SPIRE2: variants seen among roughly 807,000 people sequenced by gnomAD.
SPIRE2 encodes the protein spire type actin nucleation factor 2.
SPIRE2 carries 76 observed loss-of-function variants against 80.7 expected under a neutral mutation model. That is an observed-to-expected ratio of 0.94 (90% CI 0.78 to 1.14). The LOEUF (loss-of-function observed/expected upper bound fraction) is 1.14. Ranked by LOEUF, SPIRE2 falls within the 50% of genes most tolerant of loss-of-function variation. SPIRE2 has a pLI of 0.00. For synonymous variants in SPIRE2, 535 were observed against 432.6 expected, an observed-to-expected ratio of 1.24 and a Z score of -2.94; for missense variants, 1,196 against 1,015.3, an observed-to-expected ratio of 1.18 and a Z score of -2.42.
At chr16:89,855,158 T>G (rs1597219316) in intron 5 of SPIRE2, among the ~76,000 whole-genome samples, 1 of 152,176 alleles carries the variant, frequency 6.6e-6, no homozygotes, top group South Asian at 2.1e-4. Flanking sequence ...CACGATGGTC[T>G]CGATCTCCTG....
chr16:89,850,020 T>A (rs1290777946), intron 2 of SPIRE2: 1 of 505,292 alleles, frequency 2.0e-6, no homozygotes, highest in African/African-American at 1.9e-5. Flanking sequence ...GTATTTTTAG[T>A]AGAGACGGGG....
intron 1 of SPIRE2, among the ~76,000 whole-genome samples, chr16:89,841,878 G>A (rs1384532655): frequency 2.0e-5 from 3 of 151,756 alleles, no homozygotes; most frequent in East Asian, 1.9e-4. Context: ...ACAGGCATGC[G>A]CCACCATGCC....
chr16:89,857,937 C>A (rs973103925), intron 7 of SPIRE2, among the ~76,000 whole-genome samples: 4 of 136,666 alleles, frequency 2.9e-5, no homozygotes, highest in African/African-American at 1.1e-4. Flanking sequence ...GGCTGGAGTG[C>A]AGTGGCGTGA....
intron 10 of SPIRE2, among the ~76,000 whole-genome samples, chr16:89,861,463 C>A (rs899067606): frequency 1.3e-5 from 2 of 152,236 alleles, no homozygotes; most frequent in African/African-American, 4.8e-5. Context: ...GTGCGTATCC[C>A]CACCGAAACG....
chr16:89,833,993 G>A (rs879831523), intron 1 of SPIRE2, among the ~76,000 whole-genome samples: 11 of 152,300 alleles, frequency 7.2e-5, no homozygotes, highest in South Asian at 2.1e-4. Flanking sequence ...TGGCATTCCC[G>A]ATATAGTCTC....
chr16:89,848,023 G>A (rs993641264), intron 2 of SPIRE2, among the ~76,000 whole-genome samples: 1 of 152,168 alleles, frequency 6.6e-6, no homozygotes, highest in South Asian at 2.1e-4. Flanking sequence ...GGAGCCACGC[G>A]ACCAGGGACA....
rs1204208371 is a variant in SPIRE2 at position 89,850,563 on chromosome 16, G to A, written c.548G>A (p.Arg183Gln). The change falls in exon 3 of 15, where the codon CGG (arginine) becomes CAG (glutamine). Residue 183 changes from arginine to glutamine, a missense_variant. By Grantham distance (43) the Arg-to-Gln change is conservative. Coordinates refer to ENST00000378247, the MANE Select transcript of SPIRE2 (RefSeq NM_032451.2). ...RLCAARLTDPRGAQAHYQAVC... is the reference protein window; with the variant it reads ...RLCAARLTDPQGAQAHYQAVC... ...TGCGCGGCGCGGCTGACCGACCCCCGGGGCGCACAGGCGCATTACCAGGCC... is the reference window on the plus strand; with the variant it reads ...TGCGCGGCGCGGCTGACCGACCCCCAGGGCGCACAGGCGCATTACCAGGCC... 6 of 1,513,192 alleles carry A rather than the reference G, an allele frequency of 4.0e-6. No individual in the cohort carries two copies. The highest frequency in any genetic ancestry group is 2.5e-5 in the East Asian group (1 of 40,602). The allele number at this position is 1,513,192 out of a possible 1,614,324, so 93.7% of individuals were successfully genotyped here.
In SPIRE2 at chr16:89,849,873, TG is replaced by T. The variant is rs373851893; in HGVS notation, c.289-430del. 5.8e-3 allele frequency: 1,705 copies of T among 294,042 alleles called. 84 individuals carry two copies. In the Admixed American group the frequency reaches 0.073, roughly 13 times the overall value. The allele number at this position is 294,042 out of a possible 1,614,324, so 18.2% of individuals were successfully genotyped here. On this transcript the variant is annotated intron_variant, in intron 2 of 14. Coordinates refer to ENST00000378247, the MANE Select transcript of SPIRE2 (RefSeq NM_032451.2). ...TTTTTTTTGAGACAGAGTCTTGCTT[TG>T]TCACCCAGGCTGGAGTGCAGAGGCC...
intron 7 of SPIRE2, among the ~76,000 whole-genome samples, chr16:89,856,953 G>A (rs1597220429): frequency 1.3e-5 from 2 of 151,350 alleles, no homozygotes; most frequent in African/African-American, 4.8e-5. Flanking sequence ...GTAATCCCAG[G>A]TGCTCCAGGG....
chr16:89,860,493 TCAA>T (rs1381255964), intron 9 of SPIRE2, among the ~76,000 whole-genome samples, 187 bp from the exon 10 acceptor site: 2 of 151,878 alleles, frequency 1.3e-5, no homozygotes, highest in Non-Finnish European at 2.9e-5. Context: ...GCTCCTAGGC[TCAA>T]GGTTCCACCC....
In SPIRE2 at chr16:89,854,350, T is replaced by C; in HGVS notation, c.710T>C (p.Leu237Pro). 1 of 1,612,472 alleles carries C rather than the reference T, an allele frequency of 6.2e-7. No homozygotes were observed. Among genetic ancestry groups the C allele is most frequent in the Non-Finnish European group, 8.5e-7 (1 of 1,179,816 alleles). Residue 237 changes from leucine to proline, a missense_variant, in exon 4 of 15, where the codon CTG (leucine) becomes CCG (proline). By Grantham distance (98) the Leu-to-Pro change is moderately conservative. Coordinates refer to ENST00000378247, the MANE Select transcript of SPIRE2 (RefSeq NM_032451.2). ...ACGCCTCGGGCAGAGCTGGACAGCC[T>C]GGGTCACACAGACTGGGTAAGGCTC... Reference protein sequence around the residue: ...LETPRAELDSLGHTDWARLWV... With the variant: ...LETPRAELDSPGHTDWARLWV...
chr16:89,829,679 C>CT lies in SPIRE2; in HGVS notation c.244+885_244+886insT, dbSNP rs2041360690. Among the ~76,000 whole-genome samples, 9 of 139,308 alleles carry CT rather than the reference C, an allele frequency of 6.5e-5. 1 individual carries two copies. The highest frequency in any genetic ancestry group is 1.2e-4 in the Non-Finnish European group (7 of 58,574). 91.4% of individuals were successfully genotyped at this position (139,308 alleles called of 152,430 possible). ...GGGCCGTTGTGCCCCACCCAAGGGCCCTTGTTCCTTCACCAGGTCCTGCTC... is the reference window on the plus strand; with the variant it reads ...GGGCCGTTGTGCCCCACCCAAGGGCCTCTTGTTCCTTCACCAGGTCCTGCTC... On this transcript the variant is annotated intron_variant, in intron 1 of 14. Transcript: ENST00000378247.
At chr16:89,849,694 G>T (rs945478578) in intron 2 of SPIRE2, among the ~76,000 whole-genome samples, 1 of 152,100 alleles carries the variant, frequency 6.6e-6, no homozygotes, top group African/African-American at 2.4e-5. Context: ...GGGCAGGTCG[G>T]CACCCCCATA....
At chr16:89,847,850 C>G (rs1314709338) in intron 2 of SPIRE2, among the ~76,000 whole-genome samples, 1 of 152,242 alleles carries the variant, frequency 6.6e-6, no homozygotes, top group African/African-American at 2.4e-5. Context: ...TTTATGGACG[C>G]AGCCTTCAGA....
chr16:89,860,872 C>G (rs865931059), intron 10 of SPIRE2, 77 bp downstream of exon 10: 3 of 932,754 alleles, frequency 3.2e-6, no homozygotes, highest in Middle Eastern at 5.4e-4. Flanking sequence ...CCAGCCAGGT[C>G]TGGGAGATGG....
intron 10 of SPIRE2, chr16:89,862,374 GAC>G (rs35232040): frequency 0.16 from 25,044 of 152,170 alleles, 3,087 homozygotes; most frequent in East Asian, 0.63. Flanking sequence ...GGAATTAGAG[GAC>G]ACATTTAAGA....
intron 3 of SPIRE2, among the ~76,000 whole-genome samples, chr16:89,853,696 C>T (rs1404702763): frequency 1.3e-5 from 2 of 149,616 alleles, no homozygotes; most frequent in Admixed American, 6.7e-5. Flanking sequence ...GCAGAGGCTG[C>T]GTGCCACCGA....
chr16:89,829,752 G>A (rs1165444052), intron 1 of SPIRE2, among the ~76,000 whole-genome samples: 1 of 142,622 alleles, frequency 7.0e-6, no homozygotes, highest in Admixed American at 6.7e-5. Context: ...GCCATTTGCA[G>A]TATCCCACAC....
rs1279029076 is a variant in SPIRE2, at chr16:89,850,600, G to A, written c.585G>A (p.Ala195=). The A allele has an allele frequency of 2.6e-6, 4 of 1,518,728 alleles. No individual in the cohort carries two copies. Among genetic ancestry groups the A allele is most frequent in the East Asian group, 4.9e-5 (2 of 40,456 alleles). The allele number at this position is 1,518,728 out of a possible 1,614,324, so 94.1% of individuals were successfully genotyped here. The change falls in exon 3 of 15, where the codon GCG becomes GCA. Residue 195 remains alanine, a synonymous_variant. Coordinates refer to ENST00000378247, the MANE Select transcript of SPIRE2 (RefSeq NM_032451.2). ...AQAHYQAVCR[A]LFVETLELRA... is the part of the protein sequence containing the mutation. Reference sequence around the variant, plus strand: ...CGCATTACCAGGCCGTGTGCCGCGCGCTCTTCGTGGAGACGCTGGAGCTGC... The same window carrying A: ...CGCATTACCAGGCCGTGTGCCGCGCACTCTTCGTGGAGACGCTGGAGCTGC...
Sources: allele counts gnomAD v4.1 joint callset (sites outside exome capture counted in the v4.1 genomes callset), GRCh38; gene constraint gnomAD v4.1.1; transcripts MANE v1.5; gene names NCBI Gene and HGNC (gene_info 2026-07-23, HGNC 2026-07-21).